The following LMF1 variants were observed in gnomAD, a reference collection of about 807,000 sequenced individuals.
The protein encoded by LMF1 is transmembrane protein 112.
In LMF1, 68 loss-of-function variants were observed where a neutral mutation model predicts 60.6. That is an observed-to-expected ratio of 1.12 (90% CI 0.92 to 1.37). The LOEUF is 1.37. Among genes scored for constraint, LMF1 ranks in the 40% most tolerant of loss-of-function variants. The probability of loss-of-function intolerance (pLI) is 0.00; values close to 1 mark genes in which losing one functional copy is unlikely to be tolerated. For synonymous variants in LMF1, 418 were observed against 324.7 expected, an observed-to-expected ratio of 1.29 and a Z score of -3.09; for missense variants, 948 against 767.2, an observed-to-expected ratio of 1.24 and a Z score of -2.78.
intron 4 of LMF1, chr16:893,495 C>A: frequency 2.3e-6 from 1 of 430,474 alleles, no homozygotes. Flanking sequence ...ACCCAGTGCA[C>A]ACGCGTCTCA....
chr16:972,028 G>T (rs1209418114), upstream of LMF1, among the ~76,000 whole-genome samples: 1 of 152,122 alleles, frequency 6.6e-6, no homozygotes, highest in Non-Finnish European at 1.5e-5. Context: ...TTGGTCAAAT[G>T]ACCCGTCTTT....
At chr16:855,572 G>A (rs560093037) in intron 10 of LMF1, 5 of 378,778 alleles carry the variant, frequency 1.3e-5, no homozygotes, top group East Asian at 7.3e-5. Context: ...AATTGTCACC[G>A]TCACAAGCTC....
chr16:956,506 T>C (rs2072708004), intron 1 of LMF1, among the ~76,000 whole-genome samples: 1 of 152,098 alleles, frequency 6.6e-6, no homozygotes, highest in South Asian at 2.1e-4. Flanking sequence ...AAATAAAAAA[T>C]ACAAACAAAA....
chr16:960,243 G>A (rs187803719), intron 1 of LMF1, among the ~76,000 whole-genome samples: 6 of 152,362 alleles, frequency 3.9e-5, no homozygotes, highest in Admixed American at 1.3e-4. Flanking sequence ...AGCTGGAGGA[G>A]CTGAGCAGCA....
chr16:867,854 G>C (rs527527830), intron 10 of LMF1, among the ~76,000 whole-genome samples: 6 of 152,286 alleles, frequency 3.9e-5, no homozygotes, highest in Non-Finnish European at 7.4e-5. Flanking sequence ...TGGGCTGCCA[G>C]ACTCGGGCCC....
rs185700892 is a variant in LMF1 at position 874,619 on chromosome 16, A to C, written c.898-3278T>G. 3.7e-3 allele frequency among the ~76,000 whole-genome samples: 563 copies of C among 152,104 alleles called. 4 individuals carry two copies. The highest frequency in any genetic ancestry group is 0.017 in the Middle Eastern group (5 of 294). On this transcript the variant is annotated intron_variant, in intron 6 of 10. Transcript: ENST00000262301. The surrounding 1 kb of genome is among the most constrained non-coding windows in gnomAD (Gnocchi z 4.1). ...ACAGCTGTGTAAACTGCGTGGGAGG[A>C]GGGAGGCTGCTCATGCCGCAACTCC...
At chr16:974,474 G>A (rs529900769), upstream of LMF1, among the ~76,000 whole-genome samples, 8 of 152,300 alleles carry the variant, frequency 5.3e-5, no homozygotes, top group South Asian at 1.2e-3. Flanking sequence ...GATGAGGCTC[G>A]GCCACCCCAG....
rs758016731 is a variant in LMF1, at chr16:879,676, C to A, written c.791G>T (p.Arg264Leu). ...GAAGTGGTTGCTGAGCGTCTCGAAG[C>A]GATGGAACCACCAGGGTGAGTGGTG... is the stretch of plus-strand genomic sequence containing the variant. ...YLHHSPWWFH[R>L]FETLSNHFIE... The change falls in exon 6 of 11, where the codon CGC (arginine) becomes CTC (leucine). Residue 264 changes from arginine to leucine, a missense_variant. By Grantham distance (102) the Arg-to-Leu change is moderately radical. Coordinates refer to ENST00000262301, the MANE Select transcript of LMF1 (RefSeq NM_022773.4). The A allele has an allele frequency of 1.9e-6, 3 of 1,609,592 alleles. No individual in the cohort carries two copies. The highest frequency in any genetic ancestry group is 1.7e-6 in the Non-Finnish European group (2 of 1,178,264).
At chr16:867,687 C>T (rs558128670) in intron 10 of LMF1, among the ~76,000 whole-genome samples, 12 of 152,258 alleles carry the variant, frequency 7.9e-5, no homozygotes, top group East Asian at 3.9e-4. Flanking sequence ...GCTAGGAGGG[C>T]GGCCACCCCA....
intron 2 of LMF1, among the ~76,000 whole-genome samples, chr16:938,948 G>A (rs2072020293): frequency 6.6e-6 from 1 of 152,230 alleles, no homozygotes; most frequent in Non-Finnish European, 1.5e-5. Flanking sequence ...GGACACAAGA[G>A]GAAACCTGTG....
rs376768012 is a variant in LMF1, at chr16:965,502, G to C, written c.193+5286C>G. ...GAGAGCAAAGGTGGAGAGCAGGAGG[G>C]CAAGGCACTGAGACTTTAGAAGCTT... is the stretch of plus-strand genomic sequence containing the variant. On this transcript the variant is annotated intron_variant, in intron 1 of 10. Coordinates refer to ENST00000262301, the MANE Select transcript of LMF1 (RefSeq NM_022773.4). 8.7e-4 allele frequency among the ~76,000 whole-genome samples: 132 copies of C among 152,328 alleles called. 1 individual carries two copies. The highest frequency in any genetic ancestry group is 2.6e-3 in the Admixed American group (40 of 15,302).
At chr16:913,447 C>T (rs890426412) in intron 3 of LMF1, among the ~76,000 whole-genome samples, 5 of 152,388 alleles carry the variant, frequency 3.3e-5, no homozygotes, top group East Asian at 1.9e-4. Context: ...GGACAGGGTG[C>T]GACACCCAAC....
intron 1 of LMF1, among the ~76,000 whole-genome samples, chr16:960,295 T>C (rs1408067213): frequency 2.0e-5 from 3 of 147,572 alleles, no homozygotes; most frequent in Admixed American, 6.8e-5. Flanking sequence ...AGACAAAGAC[T>C]CACAGTGACA....
intron 2 of LMF1, among the ~76,000 whole-genome samples, chr16:947,094 G>A (rs1232326027): frequency 3.3e-5 from 5 of 152,196 alleles, no homozygotes; most frequent in East Asian, 1.9e-4. Flanking sequence ...CTTTTCCCAC[G>A]CCATTTGAAA....
chr16:975,689 C>A, upstream of LMF1: 1 of 408,340 alleles, frequency 2.4e-6, no homozygotes. Context: ...GCCCCTCGTA[C>A]CCGCCTGAGG....
At chr16:956,680 C>T (rs1407007252) in intron 1 of LMF1, among the ~76,000 whole-genome samples, 1 of 150,970 alleles carries the variant, frequency 6.6e-6, no homozygotes, top group African/African-American at 2.4e-5. Context: ...CCTGTCTCTA[C>T]TAAAAATACA....
In LMF1 at chr16:938,236, T is replaced by C. The variant is rs57804336; in HGVS notation, c.504-3982A>G. 4.0e-4 allele frequency among the ~76,000 whole-genome samples: 61 copies of C among 152,292 alleles called. No individual in the cohort carries two copies. The East Asian group carries it at 0.01, about 26-fold the overall frequency. On this transcript the variant is annotated intron_variant, in intron 2 of 10. Coordinates refer to ENST00000262301, the MANE Select transcript of LMF1 (RefSeq NM_022773.4). ...CCGCTGTGCAGGGCCATGGCCTGCC[T>C]GGCACAGGGAAGCGCTAGACTGAAC...
intron 3 of LMF1, among the ~76,000 whole-genome samples, chr16:913,101 C>T (rs72759458): frequency 0.053 from 8,000 of 152,328 alleles, 257 homozygotes; most frequent in East Asian, 0.094. Context: ...CGCAGCTGCA[C>T]GCGCTGCCTG....
intron 1 of LMF1, among the ~76,000 whole-genome samples, chr16:964,477 G>T (rs1448920710): frequency 6.6e-6 from 1 of 152,100 alleles, no homozygotes; most frequent in African/African-American, 2.4e-5. Context: ...TTTCTTTAAG[G>T]GATGTGCTGC....
Sources: allele counts gnomAD v4.1 joint callset (sites outside exome capture counted in the v4.1 genomes callset), GRCh38; gene constraint gnomAD v4.1.1; non-coding constraint Gnocchi (gnomAD v3.1); transcripts MANE v1.5; gene names NCBI Gene and HGNC (gene_info 2026-07-23, HGNC 2026-07-21).